Variants in ARHGEF4 observed in about 807,000 individuals in gnomAD.
The protein encoded by ARHGEF4 is Rho guanine nucleotide exchange factor 4.
ARHGEF4 carries 119 observed loss-of-function variants against 162.0 expected under a neutral mutation model. That is an observed-to-expected ratio of 0.73 (90% CI 0.63 to 0.86). ARHGEF4 has a LOEUF of 0.86. Ranked by LOEUF, ARHGEF4 falls within the 40% of genes least tolerant of loss-of-function variation. The probability of loss-of-function intolerance (pLI) is 0.00; values close to 1 mark genes in which losing one functional copy is unlikely to be tolerated. For synonymous variants in ARHGEF4, 1,014 were observed against 979.9 expected (o/e 1.03, Z -0.65); for missense variants, 2,488 against 2,456.0 (o/e 1.01, Z -0.28).
intron 10 of ARHGEF4, 144 bp downstream of exon 10, chr2:131,042,088 C>A: frequency 7.9e-7 from 1 of 1,269,288 alleles, no homozygotes; most frequent in Non-Finnish European, 1.1e-6. Context: ...GGTGTGAAAG[C>A]CTGTCCCCAG....
intron 1 of ARHGEF4, among the ~76,000 whole-genome samples, chr2:130,912,684 G>C (rs1681260741): frequency 6.6e-6 from 1 of 152,142 alleles, no homozygotes; most frequent in Non-Finnish European, 1.5e-5. Context: ...CTCTGGGCCT[G>C]GGGGAGCTTT....
intron 1 of ARHGEF4, among the ~76,000 whole-genome samples, chr2:130,892,833 G>A (rs1679934408): frequency 6.6e-6 from 1 of 152,188 alleles, no homozygotes; most frequent in African/African-American, 2.4e-5. Flanking sequence ...CTGCCATTCA[G>A]GGTGCAGCTT....
chr2:131,039,963 G>T (rs1174036010), intron 6 of ARHGEF4, 53 bp from the exon 7 acceptor site: 1 of 1,537,400 alleles, frequency 6.5e-7, no homozygotes, highest in Non-Finnish European at 8.7e-7. Flanking sequence ...CGCAGGGCGC[G>T]GGGCGTTGCT....
chr2:130,911,882 C>T (rs774393085), intron 1 of ARHGEF4, among the ~76,000 whole-genome samples: 16 of 152,208 alleles, frequency 1.1e-4, no homozygotes, highest in Non-Finnish European at 1.9e-4. Flanking sequence ...GGGTCCTGAT[C>T]GTTAGTCATT....
At chr2:130,959,396 G>A (rs1475438959) in intron 4 of ARHGEF4, among the ~76,000 whole-genome samples, 5 of 152,180 alleles carry the variant, frequency 3.3e-5, no homozygotes, top group African/African-American at 4.8e-5. Context: ...GGGAATTAAC[G>A]GTTGCACAGT....
At chr2:131,004,092 G>A (rs1016287270) in intron 4 of ARHGEF4, among the ~76,000 whole-genome samples, 3 of 152,116 alleles carry the variant, frequency 2.0e-5, no homozygotes, top group Non-Finnish European at 4.4e-5. Flanking sequence ...AAGGGAGGAA[G>A]CTGGGCCAGT....
intron 1 of ARHGEF4, among the ~76,000 whole-genome samples, chr2:130,885,564 C>CTTTTTTTTT (rs961513941): frequency 1.0e-5 from 1 of 100,436 alleles, no homozygotes. Context: ...TTTTCTTATT[C>CTTTTTTTTT]TTTTTTTTTT....
intron 2 of ARHGEF4, 123 bp from the exon 3 acceptor site, chr2:130,930,829 C>A: frequency 2.2e-6 from 2 of 899,464 alleles, no homozygotes; most frequent in Non-Finnish European, 3.2e-6. Context: ...GGACTCTGTA[C>A]TTTGAAAATT....
chr2:130,919,049 C>G lies in ARHGEF4; in HGVS notation c.3552+1551C>G, dbSNP rs139801246. Among the ~76,000 whole-genome samples, 8 of 152,314 alleles carry G rather than the reference C, an allele frequency of 5.3e-5. No homozygotes were observed. In the East Asian group the frequency reaches 1.2e-3, roughly 22 times the overall value. On this transcript the variant is annotated intron_variant, in intron 2 of 13. Transcript: ENST00000409359. ...GGGAGAGGGAATTACACCGCGGGGT[C>G]AGACATACACATTGCTCTGCATCTT... is the stretch of plus-strand genomic sequence containing the variant.
chr2:131,009,042 C>T (rs1688295379), intron 4 of ARHGEF4, among the ~76,000 whole-genome samples: 1 of 152,228 alleles, frequency 6.6e-6, no homozygotes, highest in African/African-American at 2.4e-5. Context: ...ATCATTCTCA[C>T]TTTTGCCTGA....
intron 10 of ARHGEF4, among the ~76,000 whole-genome samples, chr2:131,042,291 T>C (rs1690877836): frequency 6.6e-6 from 1 of 152,234 alleles, no homozygotes. Flanking sequence ...TTAGTTCACT[T>C]CTGGGACTCC....
chr2:131,028,184 A>G, intron 5 of ARHGEF4, 100 bp downstream of exon 5: 4 of 1,482,058 alleles, frequency 2.7e-6, no homozygotes, highest in Non-Finnish European at 3.6e-6. Context: ...TCCACGTTCC[A>G]TGTGGCTGCT....
intron 2 of ARHGEF4, among the ~76,000 whole-genome samples, chr2:130,921,304 C>T (rs1047417032): frequency 2.0e-5 from 3 of 152,104 alleles, no homozygotes; most frequent in Non-Finnish European, 4.4e-5. Flanking sequence ...GATCTCTCAT[C>T]AGCATGTTGA....
chr2:130,975,127 T>G (rs1003277127), intron 4 of ARHGEF4, among the ~76,000 whole-genome samples: 2 of 152,146 alleles, frequency 1.3e-5, no homozygotes, highest in Non-Finnish European at 2.9e-5. Flanking sequence ...CCAGGACAAA[T>G]AGATTTGGAT....
At chr2:130,932,585 G>A (rs1224617648) in intron 3 of ARHGEF4, among the ~76,000 whole-genome samples, 2 of 152,162 alleles carry the variant, frequency 1.3e-5, no homozygotes, top group African/African-American at 4.8e-5. Flanking sequence ...CATCTGTAGA[G>A]TGCCTTTCAC....
At chr2:131,031,283 G>A (rs1158054614) in intron 5 of ARHGEF4, among the ~76,000 whole-genome samples, 2 of 152,224 alleles carry the variant, frequency 1.3e-5, no homozygotes, top group East Asian at 1.9e-4. Context: ...TAAGCAGAAC[G>A]AATGCAAACC....
chr2:130,895,295 C>T (rs1208009232), intron 1 of ARHGEF4, among the ~76,000 whole-genome samples: 4 of 152,194 alleles, frequency 2.6e-5, no homozygotes, highest in Non-Finnish European at 1.5e-5. Context: ...AGGGGTGGCC[C>T]GTGGTTCCTT....
chr2:130,942,612 C>T (rs754473558), intron 3 of ARHGEF4, among the ~76,000 whole-genome samples: 1 of 152,084 alleles, frequency 6.6e-6, no homozygotes, highest in East Asian at 1.9e-4. Flanking sequence ...GGAATAATAA[C>T]GCATACGTTG....
chr2:130,949,085 T>C lies in ARHGEF4; in HGVS notation c.3985+2450T>C, dbSNP rs557273324. Among the ~76,000 whole-genome samples, 67 of 152,290 alleles carry C rather than the reference T, an allele frequency of 4.4e-4. No individual in the cohort carries two copies. The South Asian group carries it at 0.014, about 31-fold the overall frequency. ...ATTTTCTGCCCAGTTCTGGGAGAAT[T>C]TCTGTTTCATCTTCTGCTTTGTTTT... On this transcript the variant is annotated intron_variant, in intron 4 of 13. Coordinates refer to ENST00000409359, the MANE Select transcript of ARHGEF4 (RefSeq NM_001367493.1).
Sources: allele counts gnomAD v4.1 joint callset (sites outside exome capture counted in the v4.1 genomes callset), GRCh38; gene constraint gnomAD v4.1.1; transcripts MANE v1.5; gene names NCBI Gene and HGNC (gene_info 2026-07-23, HGNC 2026-07-21).